The following NEK10 variants were observed in gnomAD, a reference collection of about 807,000 sequenced individuals.
NEK10 encodes serine/threonine-protein kinase Nek10.
A neutral mutation model predicts 159.8 loss-of-function variants in NEK10; 122 were observed. The observed-to-expected ratio is 0.76, with a 90% CI of 0.66 to 0.89. The LOEUF (loss-of-function observed/expected upper bound fraction) is 0.89, where lower values mean the gene tolerates loss of function less well. Ranked by LOEUF, NEK10 falls within the 40% of genes least tolerant of loss-of-function variation. NEK10 has a pLI of 0.00. For synonymous variants in NEK10, 466 were observed against 457.1 expected, an observed-to-expected ratio of 1.02 and a Z score of -0.25; for missense variants, 1,342 against 1,323.1, an observed-to-expected ratio of 1.01 and a Z score of -0.22.
At chr3:27,313,069 A>G (rs2044831733) in intron 7 of NEK10, among the ~76,000 whole-genome samples, 1 of 151,724 alleles carries the variant, frequency 6.6e-6, no homozygotes. Flanking sequence ...AGCCTGGCCA[A>G]CATGGTGTAA....
intron 33 of NEK10, among the ~76,000 whole-genome samples, chr3:27,118,620 G>T (rs1273066621): frequency 2.0e-5 from 3 of 152,128 alleles, no homozygotes; most frequent in Admixed American, 2.0e-4. Context: ...CTGCCCTGGG[G>T]GGAGTTTGTC....
intron 26 of NEK10, among the ~76,000 whole-genome samples, chr3:27,175,385 C>T (rs1447500543): frequency 1.3e-5 from 2 of 152,160 alleles, no homozygotes; most frequent in Non-Finnish European, 2.9e-5. Flanking sequence ...CAGAACTAGC[C>T]ACAGGGTCCT....
At chr3:27,111,841 T>C (rs992902500) in intron 35 of NEK10, among the ~76,000 whole-genome samples, 1 of 152,236 alleles carries the variant, frequency 6.6e-6, no homozygotes, top group African/African-American at 2.4e-5. Context: ...AATTAAGGCA[T>C]ATTAAGTTGC....
At chr3:27,271,145 TATCTTCTA>T (rs1022494672) in intron 22 of NEK10, among the ~76,000 whole-genome samples, 7 of 143,362 alleles carry the variant, frequency 4.9e-5, no homozygotes, top group South Asian at 2.3e-4. Flanking sequence ...TCCATCTATC[TATCTTCTA>T]TCTATCTATC....
At chr3:27,122,178 G>C (rs2125456203) in intron 32 of NEK10, among the ~76,000 whole-genome samples, 1 of 152,124 alleles carries the variant, frequency 6.6e-6, no homozygotes, top group Admixed American at 6.5e-5. Context: ...TAGTGTGTGA[G>C]ATCTCACGAG....
intron 5 of NEK10, among the ~76,000 whole-genome samples, chr3:27,333,878 G>A (rs756376640): frequency 3.3e-5 from 5 of 152,184 alleles, no homozygotes; most frequent in African/African-American, 1.2e-4. Context: ...CTGGGGCTGA[G>A]GCACAAGTGG....
intron 32 of NEK10, among the ~76,000 whole-genome samples, chr3:27,127,446 C>A (rs957854640): frequency 1.3e-5 from 2 of 152,148 alleles, no homozygotes; most frequent in Non-Finnish European, 2.9e-5. Context: ...CATCCTACTA[C>A]ACACCTAGGC....
At chr3:27,181,823 G>A (rs1948137537) in intron 26 of NEK10, among the ~76,000 whole-genome samples, 1 of 152,150 alleles carries the variant, frequency 6.6e-6, no homozygotes, top group Non-Finnish European at 1.5e-5. Flanking sequence ...AAGAATAAAT[G>A]CTTACTAAAT....
intron 23 of NEK10, among the ~76,000 whole-genome samples, chr3:27,219,653 C>A (rs1345962513): frequency 6.6e-6 from 1 of 152,180 alleles, no homozygotes; most frequent in South Asian, 2.1e-4. Flanking sequence ...CCTAACACTT[C>A]TTCAGATCAG....
intron 23 of NEK10, among the ~76,000 whole-genome samples, chr3:27,212,569 T>C (rs1256661280): frequency 6.6e-6 from 1 of 152,248 alleles, no homozygotes; most frequent in Non-Finnish European, 1.5e-5. Flanking sequence ...AAAACACAGA[T>C]TTGATGACAT....
intron 28 of NEK10, among the ~76,000 whole-genome samples, chr3:27,172,551 T>C (rs1355632900): frequency 6.6e-6 from 1 of 152,052 alleles, no homozygotes; most frequent in East Asian, 1.9e-4. Flanking sequence ...TAAGTATCCC[T>C]CAGCAGATGA....
chr3:27,305,369 CCAG>C (rs2044155414), intron 11 of NEK10, among the ~76,000 whole-genome samples: 1 of 152,020 alleles, frequency 6.6e-6, no homozygotes, highest in African/African-American at 2.4e-5. Context: ...AACCTACTGA[CCAG>C]CATTGGCAGG....
At chr3:27,184,983 A>G (rs73036960) in intron 26 of NEK10, among the ~76,000 whole-genome samples, 59 of 152,312 alleles carry the variant, frequency 3.9e-4, no homozygotes, top group Non-Finnish European at 6.9e-4. Flanking sequence ...GAGAATCTAG[A>G]TGCTTACATA....
chr3:27,162,772 T>C, intron 29 of NEK10, 34 bp from the exon 30 acceptor site: 1 of 1,613,654 alleles, frequency 6.2e-7, no homozygotes, highest in Non-Finnish European at 8.5e-7. Context: ...TAGAATGACC[T>C]GTTCAACTTG....
chr3:27,223,383 C>A (rs543371880), intron 23 of NEK10, among the ~76,000 whole-genome samples: 1 of 152,262 alleles, frequency 6.6e-6, no homozygotes, highest in East Asian at 1.9e-4. Context: ...CCCCCTGTAC[C>A]CCAGCCCTTA....
rs2042445180 is a variant in NEK10, at chr3:27,284,681, T to C, written c.1935A>G (p.Leu645=). 1 of 1,609,770 alleles carries C rather than the reference T, an allele frequency of 6.2e-7. No individual in the cohort carries two copies. Among genetic ancestry groups the C allele is most frequent in the Non-Finnish European group, 8.5e-7 (1 of 1,176,212 alleles). The change falls in exon 22 of 36, where the codon TTA becomes TTG. Residue 645 remains leucine (L), a synonymous_variant. Coordinates refer to ENST00000691995, the MANE Select transcript of NEK10 (RefSeq NM_001394966.1). ...FIQLCLALRY[L]HKEKRIVHRD... Reference sequence around the variant, plus strand: ...TATGGACAATCCTCTTCTCCTTGTGTAAGTATCGAAGAGCTAAGCACAGCT... The same window carrying C: ...TATGGACAATCCTCTTCTCCTTGTGCAAGTATCGAAGAGCTAAGCACAGCT...
At chr3:27,139,969 A>G (rs987060041) in intron 31 of NEK10, among the ~76,000 whole-genome samples, 1 of 152,216 alleles carries the variant, frequency 6.6e-6, no homozygotes, top group Non-Finnish European at 1.5e-5. Context: ...CGAACGATAC[A>G]TGATTTCAAT....
At chr3:27,191,877 A>T (rs1346187676) in intron 26 of NEK10, 152 bp downstream of exon 26, 2 of 621,960 alleles carry the variant, frequency 3.2e-6, no homozygotes, top group African/African-American at 1.8e-5. Flanking sequence ...TATATAAGAT[A>T]CAGAAATGGA....
In NEK10 at chr3:27,284,787, C is replaced by T. The variant is rs2042455151; in HGVS notation, c.1911+53G>A. 1.9e-6 allele frequency: 3 copies of T among 1,548,820 alleles called. No individual in the cohort carries two copies. In the Admixed American group the frequency reaches 5.1e-5, roughly 26 times the overall value. ...ATGACTACTGCACGTCTTTAAGAAG[C>T]CAGCTCAGAACATTACTGTTTTAAG... On this transcript the variant is annotated intron_variant, in intron 21 of 35. Coordinates refer to ENST00000691995, the MANE Select transcript of NEK10 (RefSeq NM_001394966.1).
Sources: gnomAD v4.1 joint callset for allele counts (sites outside exome capture counted in the v4.1 genomes callset) on GRCh38, gnomAD v4.1.1 for gene constraint, MANE v1.5 for transcripts, NCBI Gene and HGNC (gene_info 2026-07-23, HGNC 2026-07-21) for gene names.